SPAM1: variants seen among roughly 807,000 people sequenced by gnomAD.
SPAM1 encodes sperm adhesion molecule 1.
Under a neutral mutation model 29.6 loss-of-function variants are expected in SPAM1, and 22 were observed. The observed-to-expected ratio is 0.74, with a 90% confidence interval of 0.53 to 1.06. The LOEUF (loss-of-function observed/expected upper bound fraction) is 1.06. SPAM1 is among the 50% of genes least tolerant of loss of function. SPAM1 has a pLI of 0.00. For missense variants in SPAM1, 534 were observed against 604.0 expected, an observed-to-expected ratio of 0.88 and a Z score of 1.21; for synonymous variants, 194 against 204.6, an observed-to-expected ratio of 0.95 and a Z score of 0.44.
intron 6 of SPAM1, among the ~76,000 whole-genome samples, chr7:123,970,571 A>G (rs1311290955): frequency 6.9e-6 from 1 of 144,810 alleles, no homozygotes; most frequent in Non-Finnish European, 1.5e-5. Context: ...CCTGGACAAC[A>G]CAGTGAGATC....
intron 1 of SPAM1, among the ~76,000 whole-genome samples, chr7:123,927,211 A>G (rs1203676473): frequency 6.6e-6 from 1 of 152,186 alleles, no homozygotes; most frequent in East Asian, 1.9e-4. Flanking sequence ...AAGATAAAAA[A>G]TCAGAGCTTA....
chr7:123,940,745 G>A (rs576603294), intron 1 of SPAM1, among the ~76,000 whole-genome samples: 2 of 151,998 alleles, frequency 1.3e-5, no homozygotes, highest in Non-Finnish European at 1.5e-5. Context: ...ATCCTTCCAC[G>A]TTGGCATCTC....
intron 1 of SPAM1, among the ~76,000 whole-genome samples, chr7:123,935,092 A>T (rs1808211413): frequency 6.6e-6 from 1 of 152,186 alleles, no homozygotes; most frequent in Non-Finnish European, 1.5e-5. Flanking sequence ...CACACACCGT[A>T]CCCTATAAAT....
chr7:123,934,964 T>C (rs963103343), intron 1 of SPAM1, among the ~76,000 whole-genome samples: 1 of 152,166 alleles, frequency 6.6e-6, no homozygotes, highest in African/African-American at 2.4e-5. Context: ...CAATAATTTA[T>C]TGTATGCTTT....
At chr7:123,968,293 G>A (rs1792454529) in intron 5 of SPAM1, among the ~76,000 whole-genome samples, 1 of 152,004 alleles carries the variant, frequency 6.6e-6, no homozygotes, top group South Asian at 2.1e-4. Flanking sequence ...AAAAGGGGTG[G>A]TAACGTCTGA....
chr7:123,954,451 CA>C lies in SPAM1; in HGVS notation c.886del (p.Ser296ValfsTer11), dbSNP rs1189027287. 1.2e-6 allele frequency: 2 copies of C among 1,613,068 alleles called. No individual in the cohort carries two copies. Among genetic ancestry groups the C allele is most frequent in the African/African-American group, 1.3e-5 (1 of 74,848 alleles). ...EAIRVSKIPD[A>X]KSPLPVFAYT... ...ATCAGAGTTTCCAAAATACCTGATG[CA>C]AAAAGTCCACTTCCGGTTTTTGCAT... is the stretch of plus-strand genomic sequence containing the variant. On this transcript the variant is annotated frameshift_variant, in exon 3 of 5. Transcript: ENST00000682466. LOFTEE classifies it high-confidence loss of function.
downstream of SPAM1, among the ~76,000 whole-genome samples, chr7:123,961,715 C>A (rs968409576): frequency 6.6e-6 from 1 of 151,860 alleles, no homozygotes; most frequent in African/African-American, 2.4e-5. Flanking sequence ...TGTATTAGTC[C>A]ATTTTCACGC....
At chr7:123,971,356 GA>G (rs550582292) in exon 7 of SPAM1, 2 of 152,122 alleles carry the variant, frequency 1.3e-5, no homozygotes, top group Non-Finnish European at 2.9e-5. Context: ...ATTGGGGGAA[GA>G]CAAAAGAAAT....
intron 5 of SPAM1, among the ~76,000 whole-genome samples, chr7:123,965,163 G>A (rs1382053294): frequency 6.6e-6 from 1 of 151,918 alleles, no homozygotes; most frequent in African/African-American, 2.4e-5. Context: ...CGGAGTGGGT[G>A]GCTTTGACTC....
intron 1 of SPAM1, among the ~76,000 whole-genome samples, chr7:123,935,544 G>A (rs1332594666): frequency 2.0e-5 from 3 of 152,120 alleles, no homozygotes; most frequent in Non-Finnish European, 4.4e-5. Flanking sequence ...TAGTCCAGTA[G>A]TTTAGGTATT....
chr7:123,950,318 A>T (rs1036715524), intron 2 of SPAM1, among the ~76,000 whole-genome samples: 1 of 152,094 alleles, frequency 6.6e-6, no homozygotes, highest in Non-Finnish European at 1.5e-5. Flanking sequence ...TAACATGAAT[A>T]TATTGCATAA....
chr7:123,936,627 G>C (rs773340672), intron 1 of SPAM1, among the ~76,000 whole-genome samples: 12 of 152,204 alleles, frequency 7.9e-5, no homozygotes, highest in Non-Finnish European at 1.6e-4. Flanking sequence ...TGCTGAGTGT[G>C]CTGCAGGCTT....
chr7:123,969,128 T>C (rs1234355138), intron 5 of SPAM1, among the ~76,000 whole-genome samples: 1 of 151,930 alleles, frequency 6.6e-6, no homozygotes, highest in East Asian at 1.9e-4. Context: ...ATTTTTAAAA[T>C]GGGATTATTT....
At chr7:123,945,219 C>T (rs981411322) in intron 1 of SPAM1, among the ~76,000 whole-genome samples, 1 of 152,082 alleles carries the variant, frequency 6.6e-6, no homozygotes, top group Non-Finnish European at 1.5e-5. Context: ...CCAGGTTACT[C>T]TTACCTTGTT....
chr7:123,964,468 A>C (rs1328480841), downstream of SPAM1, among the ~76,000 whole-genome samples: 1 of 151,950 alleles, frequency 6.6e-6, no homozygotes, highest in Admixed American at 6.6e-5. Flanking sequence ...ATATCATTAT[A>C]AATAATTTTA....
chr7:123,966,229 C>T (rs1792422905), intron 5 of SPAM1, among the ~76,000 whole-genome samples: 1 of 152,042 alleles, frequency 6.6e-6, no homozygotes, highest in Admixed American at 6.6e-5. Flanking sequence ...GATACCAGCT[C>T]ACACCAGTCA....
chr7:123,942,046 A>G (rs1245681167), intron 1 of SPAM1, among the ~76,000 whole-genome samples: 1 of 152,208 alleles, frequency 6.6e-6, no homozygotes, highest in African/African-American at 2.4e-5. Flanking sequence ...AAGTCTATGA[A>G]TCAGTAGGCT....
At chr7:123,930,742 C>G (rs1808048529) in intron 1 of SPAM1, among the ~76,000 whole-genome samples, 1 of 152,146 alleles carries the variant, frequency 6.6e-6, no homozygotes, top group Non-Finnish European at 1.5e-5. Context: ...ACTGGGGGAA[C>G]TTACATACAA....
At chr7:123,937,284 C>G (rs1212502987) in intron 1 of SPAM1, among the ~76,000 whole-genome samples, 1 of 152,126 alleles carries the variant, frequency 6.6e-6, no homozygotes, top group Non-Finnish European at 1.5e-5. Flanking sequence ...TAACTCTACA[C>G]TTTAGAGTCA....
Sources: gnomAD v4.1 joint callset for allele counts (sites outside exome capture counted in the v4.1 genomes callset) on GRCh38, gnomAD v4.1.1 for gene constraint, MANE v1.5 for transcripts, NCBI Gene and HGNC (gene_info 2026-07-23, HGNC 2026-07-21) for gene names.